The following SLC7A1 variants were observed in gnomAD, a reference collection of about 807,000 sequenced individuals.
The protein encoded by SLC7A1 is solute carrier family 7 member 1.
A neutral mutation model predicts 53.9 loss-of-function variants in SLC7A1; 10 were observed. The ratio of observed to expected loss-of-function variants is 0.19; its 90% CI spans 0.11 to 0.31. The LOEUF (loss-of-function observed/expected upper bound fraction) is 0.31, where lower values mean the gene tolerates loss of function less well. Ranked by LOEUF, SLC7A1 falls within the 10% of genes least tolerant of loss-of-function variation. The pLI is 1.00. For synonymous variants in SLC7A1, 342 were observed against 338.7 expected, an observed-to-expected ratio of 1.01 and a Z score of -0.11; for missense variants, 525 against 827.2, an observed-to-expected ratio of 0.63 and a Z score of 4.48.
intron 1 of SLC7A1, among the ~76,000 whole-genome samples, chr13:29,586,526 C>G (rs541988460): frequency 5.9e-5 from 9 of 152,266 alleles, no homozygotes; most frequent in Middle Eastern, 6.8e-3. Context: ...CCCACAAAAT[C>G]AAATGTTCTT....
chr13:29,547,031 C>T (rs1390543280), intron 2 of SLC7A1, among the ~76,000 whole-genome samples: 3 of 152,164 alleles, frequency 2.0e-5, no homozygotes, highest in East Asian at 1.9e-4. Context: ...GGATTTGAAC[C>T]CAGGTCATCT....
intron 1 of SLC7A1, among the ~76,000 whole-genome samples, chr13:29,575,362 A>C (rs557593647): frequency 7.1e-4 from 108 of 152,344 alleles, no homozygotes; most frequent in African/African-American, 2.5e-3. Flanking sequence ...AAAAAGAAGA[A>C]GACATAGTTT....
intron 8 of SLC7A1, among the ~76,000 whole-genome samples, chr13:29,520,600 G>C (rs1387270335): frequency 6.6e-6 from 1 of 152,148 alleles, no homozygotes; most frequent in African/African-American, 2.4e-5. Context: ...TGTATGTCAA[G>C]TACTCATTAA....
At chr13:29,550,238 C>CA (rs1870111052) in intron 2 of SLC7A1, among the ~76,000 whole-genome samples, 2 of 152,240 alleles carry the variant, frequency 1.3e-5, no homozygotes, top group Non-Finnish European at 2.9e-5. Flanking sequence ...ACTCCAGAGC[C>CA]ACCCACCAGC....
chr13:29,589,766 G>A (rs879684174), intron 1 of SLC7A1, among the ~76,000 whole-genome samples: 1 of 152,088 alleles, frequency 6.6e-6, no homozygotes, highest in Non-Finnish European at 1.5e-5. Context: ...GGCCTATCCC[G>A]AGACAGGCTG....
chr13:29,582,432 C>T (rs1032402150), intron 1 of SLC7A1, among the ~76,000 whole-genome samples: 3 of 152,216 alleles, frequency 2.0e-5, no homozygotes, highest in Admixed American at 6.5e-5. Context: ...CTAACGTAAA[C>T]GGACTCTGGG....
chr13:29,512,068 T>C lies in SLC7A1; in HGVS notation c.*2412A>G, dbSNP rs1323080829. 7 of 152,164 alleles carry C rather than the reference T, an allele frequency of 4.6e-5. No individual in the cohort carries two copies. Among genetic ancestry groups the C allele is most frequent in the Admixed American group, 4.6e-4 (7 of 15,278 alleles). 9.4% of individuals were successfully genotyped at this position (152,164 alleles called of 1,614,324 possible). A position where few individuals can be genotyped will look rare whatever the true frequency, so the allele number is the denominator to read the frequency against. ...ATTGTAAGGCTTACTCCAGACACCATTGCTTAAATCACTCCCCTCTCACAC... is the reference window on the plus strand; with the variant it reads ...ATTGTAAGGCTTACTCCAGACACCACTGCTTAAATCACTCCCCTCTCACAC... On this transcript the variant is annotated 3_prime_UTR_variant, in exon 13 of 13. Transcript: ENST00000380752.
chr13:29,577,928 C>T (rs1306823998), intron 1 of SLC7A1, among the ~76,000 whole-genome samples: 1 of 152,186 alleles, frequency 6.6e-6, no homozygotes, highest in Non-Finnish European at 1.5e-5. Context: ...TCCTCCTCCA[C>T]TCCCTCTGCT....
At chr13:29,515,738 CCA>C (rs1157716224) in intron 12 of SLC7A1, among the ~76,000 whole-genome samples, 3 of 152,246 alleles carry the variant, frequency 2.0e-5, no homozygotes, top group Non-Finnish European at 4.4e-5. Context: ...CACTCTCCCT[CCA>C]CAGAGAAGAC....
intron 1 of SLC7A1, among the ~76,000 whole-genome samples, chr13:29,575,196 T>C (rs1871360709): frequency 6.6e-6 from 1 of 152,212 alleles, no homozygotes; most frequent in African/African-American, 2.4e-5. Flanking sequence ...AACTGTTCTT[T>C]AGTTACAGGA....
chr13:29,579,744 T>A (rs1336019068), intron 1 of SLC7A1, among the ~76,000 whole-genome samples: 1 of 152,156 alleles, frequency 6.6e-6, no homozygotes, highest in African/African-American at 2.4e-5. Context: ...ACGGCCCAAG[T>A]TCCTCCGGAG....
intron 1 of SLC7A1, among the ~76,000 whole-genome samples, chr13:29,563,280 A>C (rs925537845): frequency 6.6e-6 from 1 of 152,216 alleles, no homozygotes; most frequent in African/African-American, 2.4e-5. Context: ...TCAACAAAGA[A>C]TGATCCATGA....
At chr13:29,517,962 C>T (rs1868435106) in intron 9 of SLC7A1, among the ~76,000 whole-genome samples, 172 bp from the exon 10 acceptor site, 1 of 152,208 alleles carries the variant, frequency 6.6e-6, no homozygotes, top group Non-Finnish European at 1.5e-5. Context: ...CCGGGAACAC[C>T]ACCTCCCGCT....
chr13:29,560,405 C>T (rs1035722729), intron 1 of SLC7A1, among the ~76,000 whole-genome samples: 3 of 151,048 alleles, frequency 2.0e-5, no homozygotes, highest in Non-Finnish European at 2.9e-5. Context: ...GCTAAAATAA[C>T]GATAAATAGT....
intron 1 of SLC7A1, among the ~76,000 whole-genome samples, chr13:29,574,278 C>T (rs566166771): frequency 6.6e-6 from 1 of 152,332 alleles, no homozygotes; most frequent in South Asian, 2.1e-4. Flanking sequence ...CCTGTGTTAT[C>T]ACTCTAGCTG....
In SLC7A1 at chr13:29,516,177, G is replaced by C. The variant is rs1476557192; in HGVS notation, c.1747C>G (p.Gln583Glu). Residue 583 changes from glutamine to glutamate, a missense_variant, in exon 12 of 13, where the codon CAG becomes GAG. Coordinates refer to ENST00000380752, the MANE Select transcript of SLC7A1 (RefSeq NM_003045.5). Reference protein sequence around the residue: ...VNVYLMMQLDQGTWVRFAVWM... With the variant: ...VNVYLMMQLDEGTWVRFAVWM... ...ACAGCAAACCGGACCCAGGTGCCCT[G>C]GTCCAGCTGCATCATGAGATAGACG... The C allele has an allele frequency of 1.2e-6, 2 of 1,613,750 alleles. No homozygotes were observed. The highest frequency in any genetic ancestry group is 1.7e-6 in the Non-Finnish European group (2 of 1,179,792).
chr13:29,580,235 T>C (rs1359655084), intron 1 of SLC7A1, among the ~76,000 whole-genome samples: 2 of 152,112 alleles, frequency 1.3e-5, no homozygotes, highest in African/African-American at 4.8e-5. Flanking sequence ...GAGGGGCCAG[T>C]GCATCCAGGA....
rs1368280159 is a variant in SLC7A1 at position 29,594,911 on chromosome 13, G to A, written c.-115+505C>T. Among the ~76,000 whole-genome samples the A allele has an allele frequency of 2.0e-5, 3 of 152,134 alleles. No individual in the cohort carries two copies. The East Asian group carries it at 5.8e-4, about 30-fold the overall frequency. ...ACCACCCTCCGGGCGGCCGGGCAGAGTCCCCACCCACGGCTGATGACACAT... is the reference window on the plus strand; with the variant it reads ...ACCACCCTCCGGGCGGCCGGGCAGAATCCCCACCCACGGCTGATGACACAT... On this transcript the variant is annotated intron_variant, in intron 1 of 12. Coordinates refer to ENST00000380752, the MANE Select transcript of SLC7A1 (RefSeq NM_003045.5).
At chr13:29,591,873 C>T (rs1872126992) in intron 1 of SLC7A1, among the ~76,000 whole-genome samples, 1 of 152,160 alleles carries the variant, frequency 6.6e-6, no homozygotes. Flanking sequence ...GAATTGCAGG[C>T]TGCTAACAAA....
Sources: allele counts gnomAD v4.1 joint callset (sites outside exome capture counted in the v4.1 genomes callset), GRCh38; gene constraint gnomAD v4.1.1; transcripts MANE v1.5; gene names NCBI Gene and HGNC (gene_info 2026-07-23, HGNC 2026-07-21).